Variants in HCRTR2 observed in about 807,000 individuals in gnomAD.
HCRTR2 encodes orexin receptor type 2.
A neutral mutation model predicts 49.0 loss-of-function variants in HCRTR2; 22 were observed. The ratio of observed to expected loss-of-function variants is 0.45; its 90% CI spans 0.32 to 0.64. HCRTR2 has a LOEUF of 0.64. HCRTR2 is among the 30% of genes least tolerant of loss of function. The pLI is 0.04. For synonymous variants in HCRTR2, 236 were observed against 205.3 expected (o/e 1.15, Z -1.28); for missense variants, 491 against 559.4 (o/e 0.88, Z 1.23).
intron 1 of HCRTR2, among the ~76,000 whole-genome samples, chr6:55,163,612 T>C (rs141386903): frequency 5.7e-4 from 87 of 152,232 alleles, no homozygotes; most frequent in East Asian, 5.6e-3. Flanking sequence ...TTACACCTTA[T>C]ACAAAAATTA....
intron 1 of HCRTR2, among the ~76,000 whole-genome samples, chr6:55,180,466 G>A (rs1765112299): frequency 6.6e-6 from 1 of 152,226 alleles, no homozygotes; most frequent in South Asian, 2.1e-4. Context: ...CTTCAGCTCT[G>A]AGGATGAGCT....
intron 2 of HCRTR2, among the ~76,000 whole-genome samples, chr6:55,253,535 A>C (rs954328229): frequency 6.6e-6 from 1 of 152,118 alleles, no homozygotes; most frequent in Non-Finnish European, 1.5e-5. Flanking sequence ...GCTCACCACT[A>C]TTAATGGATT....
chr6:55,150,096 T>C (rs1764643649), intron 1 of HCRTR2, among the ~76,000 whole-genome samples: 1 of 151,850 alleles, frequency 6.6e-6, no homozygotes, highest in Admixed American at 6.6e-5. Context: ...ATCAATCAGC[T>C]CTCATTCTGC....
intron 2 of HCRTR2, among the ~76,000 whole-genome samples, chr6:55,253,486 A>T (rs1766592026): frequency 6.6e-6 from 1 of 152,170 alleles, no homozygotes; most frequent in African/African-American, 2.4e-5. Flanking sequence ...AGAAAAATAG[A>T]AGAAGATGAC....
chr6:55,167,205 G>C (rs372086230), intron 1 of HCRTR2, among the ~76,000 whole-genome samples: 1 of 152,098 alleles, frequency 6.6e-6, no homozygotes, highest in Non-Finnish European at 1.5e-5. Flanking sequence ...ATAACAAAGA[G>C]AAATTTCCAC....
At chr6:55,250,986 G>C (rs1019543767) in intron 2 of HCRTR2, among the ~76,000 whole-genome samples, 2 of 152,064 alleles carry the variant, frequency 1.3e-5, no homozygotes, top group Non-Finnish European at 2.9e-5. Flanking sequence ...GGTAAAACTA[G>C]TATCTCCAAA....
At chr6:55,225,346 TGTC>T (rs1413521434) in intron 1 of HCRTR2, among the ~76,000 whole-genome samples, 1 of 152,112 alleles carries the variant, frequency 6.6e-6, no homozygotes, top group African/African-American at 2.4e-5. Flanking sequence ...ATTTTAGCCC[TGTC>T]TTTTTTTTTA....
intron 1 of HCRTR2, among the ~76,000 whole-genome samples, chr6:55,244,295 A>C (rs1381164806): frequency 6.6e-6 from 1 of 151,816 alleles, no homozygotes; most frequent in Non-Finnish European, 1.5e-5. Context: ...AAAGGAATTA[A>C]TGGATTTTAT....
intron 1 of HCRTR2, among the ~76,000 whole-genome samples, chr6:55,180,812 T>A (rs1168152272): frequency 3.3e-5 from 5 of 152,082 alleles, no homozygotes; most frequent in Non-Finnish European, 5.9e-5. Flanking sequence ...TTAATTTTTT[T>A]TTTTTGAGAT....
chr6:55,236,144 A>T (rs60748030), intron 1 of HCRTR2, among the ~76,000 whole-genome samples: 16,071 of 151,972 alleles, frequency 0.11, 1,084 homozygotes, highest in South Asian at 0.27. Context: ...AGTAGGGTAT[A>T]TCCCCCTATC....
intron 1 of HCRTR2, among the ~76,000 whole-genome samples, chr6:55,115,128 A>G (rs1231717189): frequency 6.6e-6 from 1 of 151,784 alleles, no homozygotes; most frequent in Admixed American, 6.6e-5. Flanking sequence ...TCCTGAGTTT[A>G]TTACCTTATC....
At position 55,197,526 on chromosome 6, in the gene HCRTR2, T is replaced by C. The variant is rs3134697; in HGVS notation, c.223+22716T>C. ...TCAAACCTATGTCTAACACGACCTC[T>C]AACCCAAAACCAAAACTAACCTCAG... On this transcript the variant is annotated intron_variant, in intron 1 of 6. Coordinates refer to ENST00000370862, the MANE Select transcript of HCRTR2 (RefSeq NM_001384272.1). Among the ~76,000 whole-genome samples the C allele has an allele frequency of 1.8e-3, 273 of 152,278 alleles. 1 individual carries two copies. Among genetic ancestry groups the C allele is most frequent in the African/African-American group, 6.1e-3 (253 of 41,548 alleles).
intron 1 of HCRTR2, among the ~76,000 whole-genome samples, chr6:55,149,332 CAGGG>C (rs1764634175): frequency 6.6e-6 from 1 of 152,106 alleles, no homozygotes; most frequent in Admixed American, 6.6e-5. Context: ...GGTCACCCAA[CAGGG>C]TTTAATACTA....
intron 1 of HCRTR2, among the ~76,000 whole-genome samples, chr6:55,149,473 T>C (rs569890818): frequency 1.3e-3 from 203 of 152,238 alleles, no homozygotes; most frequent in Non-Finnish European, 2.3e-3. Flanking sequence ...TACTGTGCTT[T>C]CTGTTCTCTT....
At chr6:55,225,543 A>C (rs544318341) in intron 1 of HCRTR2, among the ~76,000 whole-genome samples, 2 of 152,218 alleles carry the variant, frequency 1.3e-5, no homozygotes, top group Non-Finnish European at 2.9e-5. Flanking sequence ...AGATTCTAAT[A>C]TAATCTGTGC....
intron 1 of HCRTR2, among the ~76,000 whole-genome samples, chr6:55,156,847 A>G (rs1222584870): frequency 3.3e-5 from 5 of 152,160 alleles, no homozygotes; most frequent in African/African-American, 4.8e-5. Flanking sequence ...TTTTCAATAT[A>G]AAAGCATTCC....
At chr6:55,211,959 G>T (rs1765703548) in intron 1 of HCRTR2, among the ~76,000 whole-genome samples, 1 of 152,120 alleles carries the variant, frequency 6.6e-6, no homozygotes, top group South Asian at 2.1e-4. Flanking sequence ...TGGCTATCTT[G>T]TCCCCTGTTT....
intron 1 of HCRTR2, among the ~76,000 whole-genome samples, chr6:55,163,942 C>A (rs1764841407): frequency 6.6e-6 from 1 of 150,830 alleles, no homozygotes; most frequent in South Asian, 2.1e-4. Context: ...AAAAAAACAA[C>A]CCCATCAAAA....
intron 1 of HCRTR2, among the ~76,000 whole-genome samples, chr6:55,107,392 A>T (rs1763988092): frequency 6.6e-6 from 1 of 152,080 alleles, no homozygotes; most frequent in Non-Finnish European, 1.5e-5. Context: ...GAGATAATCC[A>T]TACATTTATG....
Sources: gnomAD v4.1 joint callset for allele counts (sites outside exome capture counted in the v4.1 genomes callset) on GRCh38, gnomAD v4.1.1 for gene constraint, MANE v1.5 for transcripts, NCBI Gene and HGNC (gene_info 2026-07-23, HGNC 2026-07-21) for gene names.